The following PDCD4 variants were observed in gnomAD, a reference collection of about 807,000 sequenced individuals.
PDCD4 encodes programmed cell death protein 4.
Under a neutral mutation model 54.0 loss-of-function variants are expected in PDCD4, and 56 were observed. The observed-to-expected ratio is 1.04, with a 90% confidence interval of 0.84 to 1.30. The LOEUF (loss-of-function observed/expected upper bound fraction) is 1.30. PDCD4 is among the 50% of genes most tolerant of loss of function. The probability of loss-of-function intolerance (pLI) is 0.00; values close to 1 mark genes in which losing one functional copy is unlikely to be tolerated. For synonymous variants in PDCD4, 186 were observed against 194.8 expected (o/e 0.95, Z 0.37); for missense variants, 584 against 559.8 (o/e 1.04, Z -0.44).
Position 110,898,058 on chromosome 10 carries a change from TG to T in PDCD4, c.1382del (p.Gly461GlufsTer31). Reference sequence around the variant, plus strand: ...GAAAGCGTTTTGTAAGCGAAGGAGATGGAGGTCGTCTTAAACCAGAGAGCTA... The same window carrying T: ...GAAAGCGTTTTGTAAGCGAAGGAGATGAGGTCGTCTTAAACCAGAGAGCTA... ...GRKRFVSEGD[G>X]GRLKPESY On this transcript the variant is annotated frameshift_variant, in exon 12 of 12. Transcript: ENST00000280154. LOFTEE classifies it high-confidence loss of function. 6.3e-7 allele frequency: 1 copy of T among 1,593,452 alleles called. No individual in the cohort carries two copies. The highest frequency in any genetic ancestry group is 8.6e-7 in the Non-Finnish European group (1 of 1,168,316).
intron 4 of PDCD4, chr10:110,884,739 A>G (rs1001744652): frequency 6.6e-6 from 1 of 152,064 alleles, no homozygotes; most frequent in Non-Finnish European, 1.5e-5. Context: ...TAATCTATAT[A>G]TTGGCTTATT....
intron 1 of PDCD4, 122 bp from the exon 2 acceptor site, chr10:110,875,844 G>A (rs1845495155): frequency 2.3e-6 from 1 of 441,228 alleles, no homozygotes; most frequent in Non-Finnish European, 4.1e-6. Flanking sequence ...TTTATTTAAT[G>A]GAATTGTGTG....
intron 6 of PDCD4, among the ~76,000 whole-genome samples, chr10:110,888,138 A>ATT (rs571497013): frequency 7.1e-6 from 1 of 141,764 alleles, no homozygotes. Context: ...TTTTTAGGTA[A>ATT]TTTTTTTTTT....
At chr10:110,889,798 A>T (rs551198084) in intron 7 of PDCD4, among the ~76,000 whole-genome samples, 168 bp downstream of exon 7, 5 of 152,356 alleles carry the variant, frequency 3.3e-5, no homozygotes, top group Non-Finnish European at 7.3e-5. Flanking sequence ...TACCAGGAAG[A>T]GGACAGTACT....
At chr10:110,873,799 G>A (rs972943266) in intron 1 of PDCD4, among the ~76,000 whole-genome samples, 1 of 152,058 alleles carries the variant, frequency 6.6e-6, no homozygotes, top group Non-Finnish European at 1.5e-5. Flanking sequence ...GTTCCTGATC[G>A]GGTTATCATT....
At chr10:110,882,959 G>T in intron 3 of PDCD4, 44 bp from the exon 4 acceptor site, 1 of 1,123,186 alleles carries the variant, frequency 8.9e-7, no homozygotes, top group South Asian at 1.3e-5. Flanking sequence ...TCAACAAATT[G>T]ATGAATTTTG....
In PDCD4 at chr10:110,898,877, A is replaced by G. The variant is rs1156949087; in HGVS notation, c.*789A>G. 1.3e-5 allele frequency: 2 copies of G among 152,486 alleles called. No individual in the cohort carries two copies. The highest frequency in any genetic ancestry group is 2.9e-5 in the Non-Finnish European group (2 of 68,006). The allele number at this position is 152,486 out of a possible 1,614,324, so 9.4% of individuals were successfully genotyped here. On this transcript the variant is annotated 3_prime_UTR_variant, in exon 12 of 12. Coordinates refer to ENST00000280154, the MANE Select transcript of PDCD4 (RefSeq NM_014456.5). ...GTTCCCTTGAAAACTTTTTTTCCCT[A>G]CAAAATTTTAAGTGAAAAATACAAT...
At chr10:110,876,685 T>G in intron 2 of PDCD4, 2 of 1,226,822 alleles carry the variant, frequency 1.6e-6, no homozygotes, top group Non-Finnish European at 2.1e-6. Context: ...TTTCCCTAAT[T>G]CTCCATGGTG....
chr10:110,882,760 C>A (rs140229820), intron 3 of PDCD4, among the ~76,000 whole-genome samples: 239 of 152,020 alleles, frequency 1.6e-3, no homozygotes, highest in South Asian at 2.3e-3. Context: ...TTTGTTTTTG[C>A]TTTTATTTTA....
intron 6 of PDCD4, among the ~76,000 whole-genome samples, chr10:110,889,028 G>A (rs546451661): frequency 1.0e-3 from 154 of 151,768 alleles, no homozygotes; most frequent in African/African-American, 3.5e-3. Context: ...TCAGGAGTTC[G>A]AGACCAGCCT....
intron 1 of PDCD4, among the ~76,000 whole-genome samples, chr10:110,875,281 G>A (rs1043324267): frequency 2.0e-5 from 3 of 151,904 alleles, no homozygotes; most frequent in Non-Finnish European, 2.9e-5. Context: ...TGCTTATGTC[G>A]TTGTACTTAC....
Position 110,881,182 on chromosome 10 carries a change from C to T in PDCD4, c.44-51C>T, listed in dbSNP as rs968064604. 4.5e-6 allele frequency: 6 copies of T among 1,335,854 alleles called. No homozygotes were observed. In the South Asian group the frequency reaches 6.5e-5, roughly 15 times the overall value. 82.8% of individuals were successfully genotyped at this position (1,335,854 alleles called of 1,614,324 possible). Reference sequence around the variant, plus strand: ...CTAACTTACCACTATATCTATAAAACAGTAGATACTTAAAATACTTAGAAT... The same window carrying T: ...CTAACTTACCACTATATCTATAAAATAGTAGATACTTAAAATACTTAGAAT... On this transcript the variant is annotated intron_variant, in intron 2 of 11. Transcript: ENST00000280154.
chr10:110,877,316 C>T (rs1271753398), intron 2 of PDCD4, among the ~76,000 whole-genome samples: 1 of 152,180 alleles, frequency 6.6e-6, no homozygotes, highest in Non-Finnish European at 1.5e-5. Context: ...AAGTGATCCT[C>T]CCTCTTCAGC....
chr10:110,876,470 A>G (rs1456798427), intron 2 of PDCD4, among the ~76,000 whole-genome samples: 3 of 152,226 alleles, frequency 2.0e-5, no homozygotes, highest in Admixed American at 1.3e-4. Context: ...ATTTTCATGG[A>G]AATTCATTAC....
chr10:110,877,176 A>T (rs939213260), intron 2 of PDCD4, among the ~76,000 whole-genome samples: 1 of 152,224 alleles, frequency 6.6e-6, no homozygotes, highest in Admixed American at 6.5e-5. Flanking sequence ...AATGGATAAT[A>T]TGTACCTACT....
chr10:110,890,990 T>C (rs533638386), intron 8 of PDCD4: 1 of 189,380 alleles, frequency 5.3e-6, no homozygotes, highest in East Asian at 1.3e-4. Flanking sequence ...ATTTTCTGTG[T>C]TTTAGCTATT....
intron 5 of PDCD4, among the ~76,000 whole-genome samples, 153 bp from the exon 6 acceptor site, chr10:110,887,512 A>G (rs927991953): frequency 6.6e-6 from 1 of 152,214 alleles, no homozygotes; most frequent in South Asian, 2.1e-4. Context: ...TGTTTATCCT[A>G]TCTTCTAAAA....
Position 110,890,570 on chromosome 10 carries a change from AGGCTACCGTGCTTCT to A in PDCD4, c.892_906del (p.Ala298_Leu302del). 6.2e-7 allele frequency: 1 copy of A among 1,611,568 alleles called. No individual in the cohort carries two copies. The highest frequency in any genetic ancestry group is 8.5e-7 in the Non-Finnish European group (1 of 1,178,170). Reference sequence around the variant, plus strand: ...TTTCTCTGTAGAGCTGCTCTGGATAAGGCTACCGTGCTTCTGAGTATGTCTAAAGGTGGAAAGCGT... The same window carrying A: ...TTTCTCTGTAGAGCTGCTCTGGATAAGAGTATGTCTAAAGGTGGAAAGCGT... On this transcript the variant is annotated inframe_deletion, in exon 8 of 12. Transcript: ENST00000280154.
At position 110,898,782 on chromosome 10, in the gene PDCD4, T is replaced by G. The variant is rs1845893320; in HGVS notation, c.*694T>G. 6.6e-6 allele frequency: 1 copy of G among 152,618 alleles called. No individual in the cohort carries two copies. The highest frequency in any genetic ancestry group is 2.1e-4 in the South Asian group (1 of 4,838). 9.5% of individuals were successfully genotyped at this position (152,618 alleles called of 1,614,324 possible). ...GTACATTTTTTTAGGTCTCTTAAACTTTAATTTCACACAGTAAATTTTGAA... is the reference window on the plus strand; with the variant it reads ...GTACATTTTTTTAGGTCTCTTAAACGTTAATTTCACACAGTAAATTTTGAA... On this transcript the variant is annotated 3_prime_UTR_variant, in exon 12 of 12. Coordinates refer to ENST00000280154, the MANE Select transcript of PDCD4 (RefSeq NM_014456.5).
Sources: gnomAD v4.1 joint callset for allele counts (sites outside exome capture counted in the v4.1 genomes callset) on GRCh38, gnomAD v4.1.1 for gene constraint, MANE v1.5 for transcripts, NCBI Gene and HGNC (gene_info 2026-07-23, HGNC 2026-07-21) for gene names.